Variants in ASB3 observed in about 807,000 individuals in gnomAD.
ASB3 encodes the protein ankyrin repeat and SOCS box containing 3.
A neutral mutation model predicts 54.5 loss-of-function variants in ASB3; 41 were observed. The observed-to-expected ratio is 0.75, with a 90% CI of 0.59 to 0.98. ASB3 has a LOEUF of 0.98. ASB3 is among the 50% of genes least tolerant of loss of function. The pLI is 0.00. For missense variants in ASB3, 733 were observed against 620.0 expected (o/e 1.18, Z -1.94); for synonymous variants, 266 against 221.2 (o/e 1.20, Z -1.80).
chr2:53,755,985 C>CG (rs902206816), intron 2 of ASB3, among the ~76,000 whole-genome samples: 3 of 151,288 alleles, frequency 2.0e-5, no homozygotes, highest in Non-Finnish European at 4.4e-5. Context: ...AGACCCCCCC[C>CG]CCACCTCTAC....
At chr2:53,703,932 T>C (rs1558526819) in intron 7 of ASB3, among the ~76,000 whole-genome samples, 1 of 152,134 alleles carries the variant, frequency 6.6e-6, no homozygotes, top group Non-Finnish European at 1.5e-5. Context: ...TATTACCAAA[T>C]CCCTAAAAAT....
Position 53,723,819 on chromosome 2 carries a change from A to T in ASB3, c.604+4893T>A, listed in dbSNP as rs536475942. Among the ~76,000 whole-genome samples the T allele has an allele frequency of 2.6e-5, 4 of 152,322 alleles. No homozygotes were observed. In the East Asian group the frequency reaches 7.7e-4, roughly 29 times the overall value. ...TCTGATCTTTGACAAAGTTGACAAAAATAAGCAATGAGTTAGAGACTCCTT... is the reference window on the plus strand; with the variant it reads ...TCTGATCTTTGACAAAGTTGACAAATATAAGCAATGAGTTAGAGACTCCTT... On this transcript the variant is annotated intron_variant, in intron 5 of 9. Coordinates refer to ENST00000263634, the MANE Select transcript of ASB3 (RefSeq NM_016115.5).
At chr2:53,705,725 TC>T (rs1259094178) in intron 7 of ASB3, among the ~76,000 whole-genome samples, 1 of 152,222 alleles carries the variant, frequency 6.6e-6, no homozygotes, top group African/African-American at 2.4e-5. Flanking sequence ...GTTGATACTG[TC>T]CCTTCGTTCC....
chr2:53,713,448 C>T (rs933954336), intron 7 of ASB3, among the ~76,000 whole-genome samples: 1 of 152,170 alleles, frequency 6.6e-6, no homozygotes, highest in Non-Finnish European at 1.5e-5. Context: ...TTACACACAG[C>T]TTTATTCTTA....
chr2:53,774,109 T>G, intron 1 of ASB3: 4 of 1,547,362 alleles, frequency 2.6e-6, no homozygotes, highest in Non-Finnish European at 3.5e-6. Context: ...ATTAGCCTTA[T>G]AATACCAGTG....
At chr2:53,714,330 C>A (rs1670269807) in intron 7 of ASB3, 54 bp downstream of exon 7, 1 of 1,583,238 alleles carries the variant, frequency 6.3e-7, no homozygotes, top group Non-Finnish European at 8.6e-7. Context: ...CTTCAAAACA[C>A]ATCTCCATAC....
At chr2:53,700,614 G>A (rs1050575611) in intron 7 of ASB3, 86 bp from the exon 8 acceptor site, 14 of 1,486,476 alleles carry the variant, frequency 9.4e-6, no homozygotes, top group South Asian at 1.4e-5. Flanking sequence ...AGTAGTTACA[G>A]CTGGGGAATA....
At chr2:53,783,179 A>G (rs926008645) in intron 1 of ASB3, among the ~76,000 whole-genome samples, 3 of 152,298 alleles carry the variant, frequency 2.0e-5, no homozygotes, top group Middle Eastern at 3.4e-3. Flanking sequence ...ATAAATATTT[A>G]AAAGTTATAA....
intron 3 of ASB3, among the ~76,000 whole-genome samples, chr2:53,748,608 C>T (rs1672353613): frequency 6.6e-6 from 1 of 152,074 alleles, no homozygotes; most frequent in Admixed American, 6.5e-5. Flanking sequence ...TGTGGTATTC[C>T]TGCCAGAAAC....
chr2:53,672,272 T>C (rs964465548), intron 9 of ASB3, among the ~76,000 whole-genome samples: 3 of 152,212 alleles, frequency 2.0e-5, no homozygotes, highest in Non-Finnish European at 2.9e-5. Context: ...TTATAAATAA[T>C]AAGATTACAG....
At chr2:53,754,504 G>C (rs1307866881) in intron 2 of ASB3, among the ~76,000 whole-genome samples, 1 of 152,174 alleles carries the variant, frequency 6.6e-6, no homozygotes, top group East Asian at 1.9e-4. Flanking sequence ...ACTAACTTGA[G>C]ATCTTGAAAT....
chr2:53,686,770 G>A (rs1668656194), intron 9 of ASB3, among the ~76,000 whole-genome samples: 1 of 152,136 alleles, frequency 6.6e-6, no homozygotes, highest in African/African-American at 2.4e-5. Context: ...GGGCTGGAGT[G>A]CAATGGCACA....
chr2:53,714,312 G>T, intron 7 of ASB3, 72 bp downstream of exon 7: 1 of 1,541,740 alleles, frequency 6.5e-7, no homozygotes, highest in South Asian at 1.3e-5. Context: ...CATCGTGAAA[G>T]AAAGTCACTT....
intron 4 of ASB3, among the ~76,000 whole-genome samples, 177 bp downstream of exon 4, chr2:53,729,281 C>G (rs1671171595): frequency 6.6e-6 from 1 of 152,146 alleles, no homozygotes; most frequent in South Asian, 2.1e-4. Context: ...GCTTCCACAG[C>G]TACTACAGAA....
At position 53,681,650 on chromosome 2, in the gene ASB3, T is replaced by C. The variant is rs545927790; in HGVS notation, c.1370-10960A>G. 2.6e-5 allele frequency among the ~76,000 whole-genome samples: 4 copies of C among 152,334 alleles called. No homozygotes were observed. The East Asian group carries it at 5.8e-4, about 22-fold the overall frequency. ...CCAATGTATGTTCTTGGCACCTTTG[T>C]TGAAAATGAGTTCACTGTAGGTTTC... On this transcript the variant is annotated intron_variant, in intron 9 of 9. Transcript: ENST00000263634.
At chr2:53,762,081 C>A (rs1042585044) in intron 2 of ASB3, among the ~76,000 whole-genome samples, 1 of 152,062 alleles carries the variant, frequency 6.6e-6, no homozygotes, top group African/African-American at 2.4e-5. Context: ...TCATAGGATG[C>A]AGAAGGAGCA....
At chr2:53,736,478 C>T (rs1023459948) in intron 3 of ASB3, among the ~76,000 whole-genome samples, 4 of 151,696 alleles carry the variant, frequency 2.6e-5, no homozygotes, top group Admixed American at 1.3e-4. Flanking sequence ...GCAGGCGGAT[C>T]GCGAGGTCAG....
At chr2:53,785,875 C>A (rs1445850114) in intron 1 of ASB3, among the ~76,000 whole-genome samples, 1 of 152,188 alleles carries the variant, frequency 6.6e-6, no homozygotes, top group Non-Finnish European at 1.5e-5. Flanking sequence ...TCCCAGGAGT[C>A]TGGATCACAT....
intron 1 of ASB3, among the ~76,000 whole-genome samples, chr2:53,777,161 G>GT (rs1477141792): frequency 1.3e-5 from 2 of 152,138 alleles, no homozygotes; most frequent in Non-Finnish European, 2.9e-5. Flanking sequence ...TAATCCTACA[G>GT]TTTCTTGTGT....
Sources: gnomAD v4.1 joint callset for allele counts (sites outside exome capture counted in the v4.1 genomes callset) on GRCh38, gnomAD v4.1.1 for gene constraint, MANE v1.5 for transcripts, NCBI Gene and HGNC (gene_info 2026-07-23, HGNC 2026-07-21) for gene names.